SRRM3: variants seen among roughly 807,000 people sequenced by gnomAD.
The protein encoded by SRRM3 is serine/arginine repetitive matrix 3.
In SRRM3, 27 loss-of-function variants were observed where a neutral mutation model predicts 66.2. The ratio of observed to expected loss-of-function variants is 0.41; its 90% confidence interval spans 0.30 to 0.56. The LOEUF (loss-of-function observed/expected upper bound fraction) is 0.56. Among genes scored for constraint, SRRM3 ranks in the 20% least tolerant of loss-of-function variants. SRRM3 has a pLI of 0.32. For missense variants in SRRM3, 918 were observed against 991.9 expected, an observed-to-expected ratio of 0.93 and a Z score of 1.00; for synonymous variants, 391 against 414.9, an observed-to-expected ratio of 0.94 and a Z score of 0.70.
intron 3 of SRRM3, among the ~76,000 whole-genome samples, chr7:76,259,597 AGAG>A (rs1373230161): frequency 6.0e-5 from 9 of 150,826 alleles, no homozygotes; most frequent in Non-Finnish European, 1.0e-4. Flanking sequence ...AAAAAAAAAA[AGAG>A]GAGGGGGCTT....
At chr7:76,266,634 A>AATATATTTATATATTATATATATTAT (rs1563635447) in intron 10 of SRRM3, among the ~76,000 whole-genome samples, 1 of 129,168 alleles carries the variant, frequency 7.7e-6, no homozygotes, top group African/African-American at 2.9e-5. Flanking sequence ...ATATATATTT[A>AATATATTTATATATTATATATATTAT]ATATATTTAT....
chr7:76,222,113 G>A (rs1213143203), intron 1 of SRRM3, among the ~76,000 whole-genome samples: 1 of 152,166 alleles, frequency 6.6e-6, no homozygotes, highest in Admixed American at 6.6e-5. Flanking sequence ...AAGGGCCTGA[G>A]GGCATCAGGT....
intron 1 of SRRM3, among the ~76,000 whole-genome samples, chr7:76,230,904 T>C (rs1218322654): frequency 1.3e-5 from 2 of 151,724 alleles, no homozygotes; most frequent in East Asian, 1.9e-4. Context: ...GCGCCCACCA[T>C]CATGCCTGGC....
rs868946823 is a variant in SRRM3 at position 76,285,616 on chromosome 7, G to A, written c.1735G>A (p.Ala579Thr). ...SFMEPRRITS[A>T]RKRPIPYYRP... ...TAATCAGCTTTTTCTTCCCGGCAGCGCCCGCAAGCGTCCTATTCCATACTA... is the reference window on the plus strand; with the variant it reads ...TAATCAGCTTTTTCTTCCCGGCAGCACCCGCAAGCGTCCTATTCCATACTA... The change falls in exon 15 of 15, where the codon GCC (alanine) becomes ACC (threonine). Residue 579 changes from alanine to threonine, a missense_variant and splice_region_variant. Physicochemically the swap from Ala to Thr is moderately conservative, Grantham distance 58. Transcript: ENST00000611745. This position sits in a 1 kb window ranked among gnomAD's most constrained non-coding sequence, Gnocchi z 4.1. 6.5e-7 allele frequency: 1 copy of A among 1,547,950 alleles called. No individual in the cohort carries two copies. Among genetic ancestry groups the A allele is most frequent in the Non-Finnish European group, 8.7e-7 (1 of 1,145,324 alleles).
At chr7:76,245,225 A>G (rs1416566435) in intron 2 of SRRM3, among the ~76,000 whole-genome samples, 1 of 152,160 alleles carries the variant, frequency 6.6e-6, no homozygotes, top group Non-Finnish European at 1.5e-5. Flanking sequence ...GCTTTTGAAG[A>G]TAATTGTCAA....
At chr7:76,258,600 G>C (rs1801774436) in intron 3 of SRRM3, among the ~76,000 whole-genome samples, 1 of 151,690 alleles carries the variant, frequency 6.6e-6, no homozygotes, top group African/African-American at 2.4e-5. Context: ...TGTAGTCCCA[G>C]CTACTCGGGA....
chr7:76,244,159 C>T (rs782334184), intron 2 of SRRM3, among the ~76,000 whole-genome samples: 9 of 152,170 alleles, frequency 5.9e-5, no homozygotes, highest in South Asian at 2.1e-4. Flanking sequence ...GCCCTCCCCA[C>T]GGTGAGCGAC....
chr7:76,226,301 A>G (rs1554603735), intron 1 of SRRM3, among the ~76,000 whole-genome samples: 1 of 152,152 alleles, frequency 6.6e-6, no homozygotes, highest in Admixed American at 6.5e-5. Flanking sequence ...AACTCCAGGG[A>G]CCCAGCCAGG....
At chr7:76,226,835 C>A (rs1460965012) in intron 1 of SRRM3, among the ~76,000 whole-genome samples, 1 of 152,098 alleles carries the variant, frequency 6.6e-6, no homozygotes. Flanking sequence ...AGGTGATCCA[C>A]CTGCTTCGGC....
chr7:76,281,649 G>A lies in SRRM3; in HGVS notation c.1217G>A (p.Arg406Lys), dbSNP rs781916490. Residue 406 changes from arginine to lysine, a missense_variant, in exon 12 of 15, where the codon AGG becomes AAG. Arg to Lys is a conservative substitution (Grantham distance 26). Transcript: ENST00000611745. ...TCCTCGGCGTCCGCGCCCCGCCGCA[G>A]GGGTCGCCGGCGCCCCCGGCCCGCG... ...SRSSASAPRR[R>K]GRRRPRPAPP... 6.2e-4 allele frequency: 607 copies of A among 975,754 alleles called. 4 individuals are homozygous for A. The South Asian group carries it at 0.01, about 16-fold the overall frequency. 60.4% of individuals were successfully genotyped at this position (975,754 alleles called of 1,614,324 possible).
At chr7:76,232,126 G>A (rs1316430463) in intron 1 of SRRM3, among the ~76,000 whole-genome samples, 10 of 152,166 alleles carry the variant, frequency 6.6e-5, no homozygotes, top group East Asian at 1.9e-4. Flanking sequence ...AGCCCCGGGC[G>A]CATTGAGCTT....
intron 8 of SRRM3, among the ~76,000 whole-genome samples, chr7:76,262,957 C>T (rs1349233409): frequency 6.6e-6 from 1 of 152,202 alleles, no homozygotes; most frequent in Non-Finnish European, 1.5e-5. Context: ...CCCCTTCCAG[C>T]AGCCCAGAGG....
At chr7:76,267,060 T>G (rs1304807124) in intron 10 of SRRM3, among the ~76,000 whole-genome samples, 198 bp from the exon 11 acceptor site, 1 of 152,010 alleles carries the variant, frequency 6.6e-6, no homozygotes, top group Non-Finnish European at 1.5e-5. Context: ...TCCGCCTGAA[T>G]TGGAAATCGA....
intron 1 of SRRM3, among the ~76,000 whole-genome samples, chr7:76,228,752 T>C (rs1327244165): frequency 2.0e-5 from 3 of 151,970 alleles, no homozygotes; most frequent in East Asian, 3.9e-4. Flanking sequence ...CAAATCTGTG[T>C]CTTAACAAGT....
rs1250946879 is a variant in SRRM3 at position 76,265,849 on chromosome 7, TATA to T, written c.830+382_830+384del. 6.7e-3 allele frequency among the ~76,000 whole-genome samples: 71 copies of T among 10,616 alleles called. 1 individual carries two copies. The highest frequency in any genetic ancestry group is 0.01 in the East Asian group (1 of 98). 7.0% of individuals were successfully genotyped at this position (10,616 alleles called of 152,430 possible). On this transcript the variant is annotated intron_variant, in intron 10 of 14. Coordinates refer to ENST00000611745, the MANE Select transcript of SRRM3 (RefSeq NM_001110199.3). Reference sequence around the variant, plus strand: ...ATATTTATATATATATATATATATATATATATATATTTTTTTTTTTTTTTTTTT... The same window carrying T: ...ATATTTATATATATATATATATATATTATATATTTTTTTTTTTTTTTTTTT...
At chr7:76,257,889 G>A (rs1268529108) in intron 3 of SRRM3, among the ~76,000 whole-genome samples, 1 of 152,178 alleles carries the variant, frequency 6.6e-6, no homozygotes, top group African/African-American at 2.4e-5. Flanking sequence ...CTCACAGAGG[G>A]ACACGGCAGG....
chr7:76,246,318 C>T (rs571789555), intron 2 of SRRM3, among the ~76,000 whole-genome samples: 9 of 152,162 alleles, frequency 5.9e-5, no homozygotes, highest in Admixed American at 5.2e-4. Flanking sequence ...AATCCCAGCA[C>T]TTTGGGAGGC....
rs781970532 is a variant in SRRM3, at chr7:76,267,269, A to C, written c.842A>C (p.Lys281Thr). 10 of 1,551,566 alleles carry C rather than the reference A, an allele frequency of 6.4e-6. No homozygotes were observed. In the Admixed American group the frequency reaches 1.0e-4, roughly 16 times the overall value. Residue 281 changes from lysine to threonine, a missense_variant, in exon 11 of 15, where the codon AAG becomes ACG. Lys to Thr is a moderately conservative substitution (Grantham distance 78). Transcript: ENST00000611745. Reference protein sequence around the residue: ...DSRSPSRLSPKHRDEGRKTGS... With the variant: ...DSRSPSRLSPTHRDEGRKTGS... ...GCGCCTAACCCCAGGCTGAGCCCCA[A>C]GCACCGAGACGAAGGGCGAAAGACG...
At chr7:76,260,279 T>C (rs1801823351) in intron 5 of SRRM3, 82 bp downstream of exon 5, 4 of 1,089,082 alleles carry the variant, frequency 3.7e-6, no homozygotes, top group East Asian at 3.0e-5. Flanking sequence ...CTCACAACCA[T>C]GCAGCATTTG....
Sources: gnomAD v4.1 joint callset for allele counts (sites outside exome capture counted in the v4.1 genomes callset) on GRCh38, gnomAD v4.1.1 for gene constraint, Gnocchi (gnomAD v3.1) non-coding constraint, MANE v1.5 for transcripts, NCBI Gene and HGNC (gene_info 2026-07-23, HGNC 2026-07-21) for gene names.